Variants in ZBED4 observed in about 807,000 individuals in gnomAD.
The protein encoded by ZBED4 is zinc finger BED domain-containing protein 4.
ZBED4 carries 4 observed loss-of-function variants against 15.5 expected under a neutral mutation model. The observed-to-expected ratio is 0.26, with a 90% CI of 0.13 to 0.59. ZBED4 has a LOEUF of 0.59. Among genes scored for constraint, ZBED4 ranks in the 20% least tolerant of loss-of-function variants. ZBED4 has a pLI of 0.90. For synonymous variants in ZBED4, 692 were observed against 608.5 expected (o/e 1.14, Z -2.02); for missense variants, 1,323 against 1,461.8 (o/e 0.91, Z 1.55).
chr22:49,884,977 A>G lies in ZBED4; in HGVS notation c.1315A>G (p.Arg439Gly). Residue 439 changes from arginine to glycine, a missense_variant, in exon 2 of 2, where the codon AGA (arginine) becomes GGA (glycine). Physicochemically the swap from Arg to Gly is moderately radical, Grantham distance 125. Transcript: ENST00000216268. ...GCAGCAGGCTGATGGGCTGAGTCCT[A>G]GATTGTTTGAATCTGGCGCCATCTT... The part of the protein sequence containing the change: ...EKQQADGLSP[R>G]LFESGAIFQQ... 6.2e-7 allele frequency: 1 copy of G among 1,613,496 alleles called. No homozygotes were observed. Among genetic ancestry groups the G allele is most frequent in the Non-Finnish European group, 8.5e-7 (1 of 1,179,668 alleles).
chr22:49,879,302 T>G (rs538081714), intron 1 of ZBED4, among the ~76,000 whole-genome samples: 1 of 149,532 alleles, frequency 6.7e-6, no homozygotes, highest in East Asian at 2.0e-4. Context: ...TTTTTTTGTA[T>G]TTTTAGTAGA....
chr22:49,875,342 A>G (rs552631576), intron 1 of ZBED4, among the ~76,000 whole-genome samples: 11 of 151,692 alleles, frequency 7.3e-5, no homozygotes, highest in Middle Eastern at 3.4e-3. Flanking sequence ...AAGGCTAATC[A>G]GCTTATTCTT....
At chr22:49,865,037 G>A (rs1270495622) in intron 1 of ZBED4, among the ~76,000 whole-genome samples, 1 of 144,986 alleles carries the variant, frequency 6.9e-6, no homozygotes, top group Non-Finnish European at 1.5e-5. Context: ...TGCAAGTGAC[G>A]GCAGCCCCGG....
chr22:49,871,777 C>CA (rs2060349473), intron 1 of ZBED4, among the ~76,000 whole-genome samples: 2 of 142,674 alleles, frequency 1.4e-5, no homozygotes, highest in South Asian at 4.9e-4. Context: ...TTTTTTGAGA[C>CA]AGAGTCTTAC....
At chr22:49,868,143 G>T (rs1478416310) in intron 1 of ZBED4, among the ~76,000 whole-genome samples, 3 of 152,168 alleles carry the variant, frequency 2.0e-5, no homozygotes, top group Admixed American at 6.5e-5. Context: ...TACATTTGTT[G>T]GTTAACGGAA....
At chr22:49,856,814 C>T (rs1400171154) in intron 1 of ZBED4, among the ~76,000 whole-genome samples, 2 of 148,704 alleles carry the variant, frequency 1.3e-5, no homozygotes, top group African/African-American at 2.5e-5. Flanking sequence ...AGGTGAAGGC[C>T]GCGCTGGAAT....
In ZBED4 at chr22:49,886,897, A is replaced by G. The variant is rs2060443035; in HGVS notation, c.3235A>G (p.Lys1079Glu). The stretch of plus-strand genomic sequence containing the variant: ...GGTGAAGAAGAAAGACCCAAGAGAA[A>G]AGCTGCCTGAAGCCATGGTGCTTGC... ...AKVKKKDPRE[K>E]LPEAMVLAYL... Residue 1079 changes from lysine (K) to glutamate (E), a missense_variant, in exon 2 of 2, where the codon AAG becomes GAG. Lys to Glu is a moderately conservative substitution (Grantham distance 56, BLOSUM62 1). Transcript: ENST00000216268. This position sits in a 1 kb window ranked among gnomAD's most constrained non-coding sequence, Gnocchi z 7.7. 9 of 1,614,062 alleles carry G rather than the reference A, an allele frequency of 5.6e-6. No homozygotes were observed. Among genetic ancestry groups the G allele is most frequent in the Non-Finnish European group, 7.6e-6 (9 of 1,180,006 alleles).
chr22:49,884,170 A>G lies in ZBED4; in HGVS notation c.508A>G (p.Ile170Val), dbSNP rs1305243152. The change falls in exon 2 of 2, where the codon ATT becomes GTT. Residue 170 changes from isoleucine (I) to valine (V), a missense_variant. This residue lies in a region of ZBED4 where 380 missense variants were observed against 413.7 expected (regional missense o/e 0.92). Transcript: ENST00000216268. ...HVRRAHPTVL[I>V]QENGSVSAVS... Reference sequence around the variant, plus strand: ...GAGGCGCGCACACCCGACCGTGCTCATTCAGGAAAATGGCAGTGTGTCTGC... The same window carrying G: ...GAGGCGCGCACACCCGACCGTGCTCGTTCAGGAAAATGGCAGTGTGTCTGC... 6.2e-7 allele frequency: 1 copy of G among 1,612,292 alleles called. No homozygotes were observed. Among genetic ancestry groups the G allele is most frequent in the Non-Finnish European group, 8.5e-7 (1 of 1,179,160 alleles).
chr22:49,874,064 T>C lies in ZBED4; in HGVS notation c.-329-9270T>C, dbSNP rs538877846. Among the ~76,000 whole-genome samples the C allele has an allele frequency of 2.0e-5, 3 of 152,372 alleles. No individual in the cohort carries two copies. The South Asian group carries it at 6.2e-4, about 32-fold the overall frequency. ...CTCTAGTACTGTTTTGTAGAGGCCT[T>C]ACAACCTTTATGACATCGATGGCCC... is the stretch of plus-strand genomic sequence containing the variant. On this transcript the variant is annotated intron_variant, in intron 1 of 1. Coordinates refer to ENST00000216268, the MANE Select transcript of ZBED4 (RefSeq NM_014838.3).
intron 1 of ZBED4, among the ~76,000 whole-genome samples, chr22:49,856,888 A>G (rs1051136879): frequency 1.3e-5 from 2 of 150,630 alleles, no homozygotes; most frequent in Admixed American, 6.6e-5. Flanking sequence ...CCAGCTTCCC[A>G]CCTCATTCTA....
rs1314344219 is a variant in ZBED4 at position 49,875,118 on chromosome 22, A to T, written c.-329-8216A>T. On this transcript the variant is annotated intron_variant, in intron 1 of 1. Coordinates refer to ENST00000216268, the MANE Select transcript of ZBED4 (RefSeq NM_014838.3). ...TTTTTTTCTGTGCTCATAGGGTATCAAGTTGTTTCTTTTATTGTAATGTCT... is the reference window on the plus strand; with the variant it reads ...TTTTTTTCTGTGCTCATAGGGTATCTAGTTGTTTCTTTTATTGTAATGTCT... Among the ~76,000 whole-genome samples the T allele has an allele frequency of 2.0e-5, 3 of 152,114 alleles. No individual in the cohort carries two copies. In the East Asian group the frequency reaches 5.8e-4, roughly 29 times the overall value.
intron 1 of ZBED4, among the ~76,000 whole-genome samples, chr22:49,857,478 T>C (rs2060279333): frequency 6.6e-6 from 1 of 152,208 alleles, no homozygotes; most frequent in Non-Finnish European, 1.5e-5. Flanking sequence ...AGGTGCCGTT[T>C]CCAAGACGCC....
intron 1 of ZBED4, among the ~76,000 whole-genome samples, chr22:49,863,843 G>A (rs745485850): frequency 7.9e-5 from 12 of 152,280 alleles, no homozygotes; most frequent in Non-Finnish European, 1.5e-4. Context: ...TTAGGGATTT[G>A]ATGTTGGTAT....
intron 1 of ZBED4, among the ~76,000 whole-genome samples, chr22:49,871,769 T>TATTTA (rs1429066059): frequency 2.7e-4 from 41 of 149,334 alleles, no homozygotes; most frequent in Non-Finnish European, 4.0e-4. Flanking sequence ...TTTTTTTTTT[T>TATTTA]TTTGAGACAG....
In ZBED4 at chr22:49,887,466, GGTTA is replaced by G. The variant is rs899025005; in HGVS notation, c.*291_*294del. 1 of 296,044 alleles carries G rather than the reference GGTTA, an allele frequency of 3.4e-6. No homozygotes were observed. The highest frequency in any genetic ancestry group is 2.2e-5 in the African/African-American group (1 of 46,362). The allele number at this position is 296,044 out of a possible 1,614,324, so 18.3% of individuals were successfully genotyped here. ...AACCGTAAAGTTTTTTAAAGTTTTGGGTTAGTAATTTGTTTTACTAGAATGACAA... is the reference window on the plus strand; with the variant it reads ...AACCGTAAAGTTTTTTAAAGTTTTGGGTAATTTGTTTTACTAGAATGACAA... On this transcript the variant is annotated 3_prime_UTR_variant, in exon 2 of 2. Coordinates refer to ENST00000216268, the MANE Select transcript of ZBED4 (RefSeq NM_014838.3).
intron 1 of ZBED4, among the ~76,000 whole-genome samples, chr22:49,872,948 G>A (rs560155503): frequency 5.3e-5 from 8 of 152,124 alleles, no homozygotes; most frequent in East Asian, 1.9e-4. Context: ...CACCCGCCTC[G>A]GCCTCCCAAA....
In ZBED4 at chr22:49,886,992, C is replaced by G; in HGVS notation, c.3330C>G (p.Ser1110=). Residue 1110 remains serine, a synonymous_variant, in exon 2 of 2, where the codon TCC becomes TCG. Transcript: ENST00000216268. The surrounding 1 kb of genome is among the most constrained non-coding windows in gnomAD (Gnocchi z 7.7). Reference sequence around the variant, plus strand: ...CCTACTGGAACCTGAAGAAGGCGTCCTGGCCGGGGCTGTCCGCGCTGGCCG... The same window carrying G: ...CCTACTGGAACCTGAAGAAGGCGTCGTGGCCGGGGCTGTCCGCGCTGGCCG... ...PLTYWNLKKA[S]WPGLSALAVR... is the part of the protein sequence containing the mutation. 5.6e-6 allele frequency: 9 copies of G among 1,614,150 alleles called. No homozygotes were observed. Among genetic ancestry groups the G allele is most frequent in the Non-Finnish European group, 6.8e-6 (8 of 1,180,042 alleles).
In ZBED4 at chr22:49,887,630, A is replaced by C. The variant is rs2060447433; in HGVS notation, c.*452A>C. ...TTTGTGGCTATCAAATGAAATCTGT[A>C]AATAGGAGGTGGAGGGCAAGCCATC... On this transcript the variant is annotated 3_prime_UTR_variant, in exon 2 of 2. Coordinates refer to ENST00000216268, the MANE Select transcript of ZBED4 (RefSeq NM_014838.3). 1 of 171,864 alleles carries C rather than the reference A, an allele frequency of 5.8e-6. No individual in the cohort carries two copies. The highest frequency in any genetic ancestry group is 1.4e-5 in the Non-Finnish European group (1 of 70,784). The allele number at this position is 171,864 out of a possible 1,614,324, so 10.6% of individuals were successfully genotyped here.
chr22:49,862,931 A>G (rs547953543), intron 1 of ZBED4, among the ~76,000 whole-genome samples: 2 of 151,808 alleles, frequency 1.3e-5, no homozygotes, highest in African/African-American at 4.8e-5. Flanking sequence ...CGAACTCCTG[A>G]CCTTAGGTGA....
Sources: allele counts gnomAD v4.1 joint callset (sites outside exome capture counted in the v4.1 genomes callset), GRCh38; gene constraint gnomAD v4.1.1; regional missense constraint gnomAD v4.1.1; non-coding constraint Gnocchi (gnomAD v3.1); transcripts MANE v1.5; gene names NCBI Gene and HGNC (gene_info 2026-07-23, HGNC 2026-07-21).